Variants in ANGPT1 observed in about 807,000 individuals in gnomAD.
The protein encoded by ANGPT1 is angiopoietin 1, also known as angiopoietin-1.
ANGPT1 carries 17 observed loss-of-function variants against 62.2 expected under a neutral mutation model. That is an observed-to-expected ratio of 0.27 (90% confidence interval 0.19 to 0.41). The LOEUF (loss-of-function observed/expected upper bound fraction) is 0.41, where lower values mean the gene tolerates loss of function less well. ANGPT1 is among the 10% of genes least tolerant of loss of function. The probability of loss-of-function intolerance (pLI) is 1.00; values close to 1 mark genes in which losing one functional copy is unlikely to be tolerated. For missense variants in ANGPT1, 478 were observed against 594.9 expected, an observed-to-expected ratio of 0.80 and a Z score of 2.04; for synonymous variants, 199 against 198.9, an observed-to-expected ratio of 1.00 and a Z score of 0.00.
At chr8:107,356,523 G>A (rs1816050025) in intron 1 of ANGPT1, among the ~76,000 whole-genome samples, 1 of 152,014 alleles carries the variant, frequency 6.6e-6, no homozygotes, top group East Asian at 1.9e-4. Flanking sequence ...TAGAAGGGAG[G>A]GCATACATTT....
intron 5 of ANGPT1, among the ~76,000 whole-genome samples, chr8:107,296,051 A>T (rs1814407382): frequency 6.6e-6 from 1 of 152,134 alleles, no homozygotes; most frequent in Admixed American, 6.6e-5. Context: ...TTTGAACTGG[A>T]TTCAGAATTG....
chr8:107,329,061 A>G (rs141761260), intron 3 of ANGPT1, among the ~76,000 whole-genome samples: 163 of 152,140 alleles, frequency 1.1e-3, no homozygotes, highest in South Asian at 3.5e-3. Context: ...AAATAGTAGA[A>G]AAAACCCCAA....
chr8:107,329,989 T>C lies in ANGPT1; in HGVS notation c.575+6161A>G, dbSNP rs559205076. ...AGGTACAGGGCTATCACATAGGTCA[T>C]AATGAGCAAATCTATCTGGTAGAGC... is the stretch of plus-strand genomic sequence containing the variant. On this transcript the variant is annotated intron_variant, in intron 3 of 8. Coordinates refer to ENST00000517746, the MANE Select transcript of ANGPT1 (RefSeq NM_001146.5). Among the ~76,000 whole-genome samples, 100 of 152,224 alleles carry C rather than the reference T, an allele frequency of 6.6e-4. No homozygotes were observed. In the South Asian group the frequency reaches 0.012, roughly 18 times the overall value.
At chr8:107,483,582 A>C (rs1812740747) in intron 1 of ANGPT1, among the ~76,000 whole-genome samples, 1 of 152,022 alleles carries the variant, frequency 6.6e-6, no homozygotes, top group Non-Finnish European at 1.5e-5. Flanking sequence ...ACTTTTAAAA[A>C]AATTCAAAAC....
chr8:107,485,775 T>TACAGATAAA (rs1812798645), intron 1 of ANGPT1, among the ~76,000 whole-genome samples: 2 of 152,250 alleles, frequency 1.3e-5, no homozygotes, highest in African/African-American at 4.8e-5. Flanking sequence ...CAGGATTGCC[T>TACAGATAAA]ACAGATAAAT....
intron 1 of ANGPT1, among the ~76,000 whole-genome samples, chr8:107,477,896 T>A (rs762059704): frequency 1.3e-5 from 2 of 151,926 alleles, no homozygotes; most frequent in Non-Finnish European, 2.9e-5. Context: ...AGTCTTTACA[T>A]GAAAGTAAAG....
intron 1 of ANGPT1, among the ~76,000 whole-genome samples, chr8:107,445,119 C>A (rs539673443): frequency 6.6e-6 from 1 of 152,226 alleles, no homozygotes; most frequent in East Asian, 1.9e-4. Flanking sequence ...CACATGCTGC[C>A]TATAGAGAAT....
chr8:107,343,048 T>C (rs1210525292), intron 2 of ANGPT1, among the ~76,000 whole-genome samples: 1 of 149,576 alleles, frequency 6.7e-6, no homozygotes, highest in African/African-American at 2.5e-5. Context: ...TTGCCCAGGC[T>C]GGTGTCAAAC....
At chr8:107,398,413 A>G (rs116593307) in intron 1 of ANGPT1, among the ~76,000 whole-genome samples, 355 of 152,214 alleles carry the variant, frequency 2.3e-3, no homozygotes, top group African/African-American at 8.3e-3. Context: ...CTTTACTCAA[A>G]GATTTGCTTG....
chr8:107,421,838 C>G lies in ANGPT1; in HGVS notation c.298-74741G>C, dbSNP rs76488462. On this transcript the variant is annotated intron_variant, in intron 1 of 8. Transcript: ENST00000517746. ...ATAATTTGAGTTTTTGCATAGAAAA[C>G]AGTGAGTTTTCTAACATTGTCCATA... is the stretch of plus-strand genomic sequence containing the variant. Among the ~76,000 whole-genome samples, 7 of 152,270 alleles carry G rather than the reference C, an allele frequency of 4.6e-5. No homozygotes were observed. The East Asian group carries it at 1.3e-3, about 29-fold the overall frequency.
rs561031336 is a variant in ANGPT1, at chr8:107,421,350, A to C, written c.298-74253T>G. On this transcript the variant is annotated intron_variant, in intron 1 of 8. Coordinates refer to ENST00000517746, the MANE Select transcript of ANGPT1 (RefSeq NM_001146.5). Reference sequence around the variant, plus strand: ...ATCTGCCAGTAAAAGAAAGTCAAAAACATTTCTCTTCAAGCCTAATAAAAA... The same window carrying C: ...ATCTGCCAGTAAAAGAAAGTCAAAACCATTTCTCTTCAAGCCTAATAAAAA... Among the ~76,000 whole-genome samples the C allele has an allele frequency of 7.2e-5, 11 of 152,296 alleles. No homozygotes were observed. The East Asian group carries it at 1.7e-3, about 24-fold the overall frequency.
intron 1 of ANGPT1, among the ~76,000 whole-genome samples, chr8:107,372,886 T>C (rs1325784237): frequency 6.6e-6 from 1 of 151,780 alleles, no homozygotes. Flanking sequence ...GGTATTCACA[T>C]GACCTAAAGG....
At chr8:107,324,965 GT>G (rs1425424557) in intron 3 of ANGPT1, among the ~76,000 whole-genome samples, 1 of 152,156 alleles carries the variant, frequency 6.6e-6, no homozygotes, top group African/African-American at 2.4e-5. Context: ...TAGGGAAACT[GT>G]GATGATCACT....
intron 1 of ANGPT1, among the ~76,000 whole-genome samples, chr8:107,402,784 A>T (rs531739157): frequency 1.3e-5 from 2 of 152,304 alleles, no homozygotes; most frequent in East Asian, 1.9e-4. Flanking sequence ...AAAAAATAAA[A>T]TCATAAATTC....
At chr8:107,411,294 T>C (rs1395610294) in intron 1 of ANGPT1, among the ~76,000 whole-genome samples, 3 of 152,158 alleles carry the variant, frequency 2.0e-5, no homozygotes, top group Non-Finnish European at 4.4e-5. Context: ...ATTGTACAAT[T>C]TTCAAAGACC....
At chr8:107,423,827 C>CTTTTTTTTTTTTTTT (rs869079818) in intron 1 of ANGPT1, among the ~76,000 whole-genome samples, 1 of 74,436 alleles carries the variant, frequency 1.3e-5, no homozygotes. Flanking sequence ...CTTTTCCTTT[C>CTTTTTTTTTTTTTTT]TTTTTTTTTT....
chr8:107,252,129 C>G, intron 8 of ANGPT1, 114 bp from the exon 9 acceptor site: 3 of 1,117,410 alleles, frequency 2.7e-6, no homozygotes, highest in Non-Finnish European at 3.8e-6. Flanking sequence ...TCTTGTTATG[C>G]TTATTTGCAA....
At chr8:107,436,519 T>C (rs932347678) in intron 1 of ANGPT1, among the ~76,000 whole-genome samples, 1 of 152,230 alleles carries the variant, frequency 6.6e-6, no homozygotes, top group African/African-American at 2.4e-5. Flanking sequence ...CGTTGTAATT[T>C]AGATCTGCAT....
chr8:107,403,167 T>C (rs905053758), intron 1 of ANGPT1, among the ~76,000 whole-genome samples: 10 of 152,160 alleles, frequency 6.6e-5, no homozygotes, highest in African/African-American at 2.2e-4. Context: ...ATAGTTTTTT[T>C]CTTAGGTTTC....
Sources: allele counts gnomAD v4.1 joint callset (sites outside exome capture counted in the v4.1 genomes callset), GRCh38; gene constraint gnomAD v4.1.1; transcripts MANE v1.5; gene names NCBI Gene and HGNC (gene_info 2026-07-23, HGNC 2026-07-21).